The following SLC9B1 variants were observed in gnomAD, a reference collection of about 807,000 sequenced individuals.
SLC9B1 encodes solute carrier family 9 member B1.
In SLC9B1, 32 loss-of-function variants were observed where a neutral mutation model predicts 51.7. The ratio of observed to expected loss-of-function variants is 0.62; its 90% CI spans 0.47 to 0.83. The LOEUF (loss-of-function observed/expected upper bound fraction) is 0.83, where lower values mean the gene tolerates loss of function less well. Among genes scored for constraint, SLC9B1 ranks in the 40% least tolerant of loss-of-function variants. The pLI, the probability that SLC9B1 is intolerant of heterozygous loss-of-function variation, is 0.00. For synonymous variants in SLC9B1, 145 were observed against 212.7 expected, an observed-to-expected ratio of 0.68 and a Z score of 2.77; for missense variants, 406 against 613.2, an observed-to-expected ratio of 0.66 and a Z score of 3.57.
intron 1 of SLC9B1, among the ~76,000 whole-genome samples, chr4:103,003,257 G>A (rs1330410437): frequency 2.6e-5 from 4 of 151,986 alleles, no homozygotes; most frequent in East Asian, 3.9e-4. Context: ...CTCTATTATC[G>A]ATAATCATGA....
At chr4:103,001,466 C>G (rs1019697138) in intron 1 of SLC9B1, among the ~76,000 whole-genome samples, 10 of 152,184 alleles carry the variant, frequency 6.6e-5, no homozygotes. Flanking sequence ...TGCCAGATAC[C>G]CTAAATCATC....
intron 1 of SLC9B1, chr4:103,016,919 C>T (rs1250013323): frequency 6.6e-6 from 1 of 152,184 alleles, no homozygotes; most frequent in African/African-American, 2.4e-5. Flanking sequence ...CTGGTGACTC[C>T]CAACTTTGCA....
intron 3 of SLC9B1, among the ~76,000 whole-genome samples, chr4:102,974,160 T>A (rs7659468): frequency 1.4e-5 from 2 of 146,860 alleles, no homozygotes; most frequent in African/African-American, 2.5e-5. Context: ...TTGCTTGAGC[T>A]GGGGAGGCAG....
intron 1 of SLC9B1, among the ~76,000 whole-genome samples, chr4:102,999,242 A>C (rs1201804542): frequency 1.4e-4 from 21 of 152,170 alleles, no homozygotes; most frequent in Admixed American, 1.4e-3. Context: ...ATTTTCTGTA[A>C]GTTGCCTTGT....
chr4:102,885,766 T>C (rs959835185), intron 11 of SLC9B1, among the ~76,000 whole-genome samples: 7 of 152,216 alleles, frequency 4.6e-5, no homozygotes, highest in African/African-American at 1.7e-4. Context: ...TCAAATATAC[T>C]TGTCACAGTA....
intron 6 of SLC9B1, among the ~76,000 whole-genome samples, chr4:102,936,605 A>G (rs1578361578): frequency 6.6e-6 from 1 of 152,346 alleles, no homozygotes; most frequent in East Asian, 1.9e-4. Flanking sequence ...AGAATTTCAT[A>G]ATACAATAAC....
In SLC9B1 at chr4:102,948,792, T is replaced by C. The variant is rs1173008098; in HGVS notation, c.382+465A>G. 3.3e-5 allele frequency among the ~76,000 whole-genome samples: 5 copies of C among 152,068 alleles called. No homozygotes were observed. The East Asian group carries it at 5.8e-4, about 18-fold the overall frequency. On this transcript the variant is annotated intron_variant, in intron 4 of 11. Transcript: ENST00000296422. ...GTACATATGGACCTAAAGATGGAAA[T>C]AATAGACACTGGGGAGTCCAAAAGG...
chr4:102,943,531 A>ACACACACACACG (rs1737119834), intron 6 of SLC9B1, among the ~76,000 whole-genome samples: 1 of 152,016 alleles, frequency 6.6e-6, no homozygotes, highest in African/African-American at 2.4e-5. Flanking sequence ...ACACACACAC[A>ACACACACACACG]CACACACCAT....
intron 3 of SLC9B1, among the ~76,000 whole-genome samples, chr4:102,976,051 G>T (rs1011320872): frequency 1.3e-5 from 2 of 152,170 alleles, no homozygotes; most frequent in Non-Finnish European, 2.9e-5. Context: ...GGAAGAAGCA[G>T]TGAGGGAAGA....
At chr4:102,965,692 T>G (rs1358713142) in intron 3 of SLC9B1, among the ~76,000 whole-genome samples, 1 of 152,140 alleles carries the variant, frequency 6.6e-6, no homozygotes, top group East Asian at 1.9e-4. Flanking sequence ...CCCAAAGTCT[T>G]AATGTATTCC....
chr4:102,938,981 A>G (rs1736853607), intron 6 of SLC9B1, among the ~76,000 whole-genome samples: 1 of 152,146 alleles, frequency 6.6e-6, no homozygotes, highest in Non-Finnish European at 1.5e-5. Context: ...GAAAAACGAG[A>G]GGAAACCATC....
intron 7 of SLC9B1, among the ~76,000 whole-genome samples, chr4:102,924,657 A>G (rs1478457567): frequency 6.6e-6 from 1 of 152,240 alleles, no homozygotes; most frequent in African/African-American, 2.4e-5. Flanking sequence ...CAATCTACCC[A>G]TCTGACAAAG....
chr4:102,988,956 A>G (rs1739805884), intron 3 of SLC9B1, among the ~76,000 whole-genome samples: 1 of 152,080 alleles, frequency 6.6e-6, no homozygotes, highest in African/African-American at 2.4e-5. Flanking sequence ...GAAATGGCCT[A>G]CTAAATAGAC....
chr4:102,899,556 G>C (rs1035703886), downstream of SLC9B1, among the ~76,000 whole-genome samples: 1 of 151,894 alleles, frequency 6.6e-6, no homozygotes, highest in African/African-American at 2.4e-5. Flanking sequence ...TGGGATTACA[G>C]GTGTGCGCCA....
intron 11 of SLC9B1, chr4:102,885,443 T>C (rs765050847): frequency 1.9e-6 from 3 of 1,606,908 alleles, no homozygotes; most frequent in Non-Finnish European, 8.5e-7. Flanking sequence ...AAGATGTCTG[T>C]TTACGTGTAC....
At chr4:103,009,529 A>T (rs1323182384) in intron 1 of SLC9B1, among the ~76,000 whole-genome samples, 1 of 152,228 alleles carries the variant, frequency 6.6e-6, no homozygotes, top group East Asian at 1.9e-4. Context: ...CATAATGTAT[A>T]TGGAATTCAG....
intron 1 of SLC9B1, among the ~76,000 whole-genome samples, chr4:103,011,006 T>A (rs1189228825): frequency 1.3e-5 from 2 of 152,150 alleles, no homozygotes; most frequent in African/African-American, 4.8e-5. Context: ...AACTCAAAAG[T>A]CCAGAGTCCA....
chr4:102,989,926 T>G lies in SLC9B1; in HGVS notation c.85A>C (p.Asn29His). ...TTAGTTTCTTCCTGTGCAGTATTAT[T>G]AGGATCAATGAGACTCTGTAGTAAA... is the stretch of plus-strand genomic sequence containing the variant. ...STTPQSLIDP[N>H]NTAQEETKTV... Residue 29 changes from asparagine (N) to histidine (H), a missense_variant, in exon 3 of 12, where the codon AAT becomes CAT. This residue lies in a region of SLC9B1 where 108 missense variants were observed against 94.5 expected (regional missense o/e 1.14). Transcript: ENST00000296422. 1 of 1,583,390 alleles carries G rather than the reference T, an allele frequency of 6.3e-7. No individual in the cohort carries two copies. Among genetic ancestry groups the G allele is most frequent in the Non-Finnish European group, 8.6e-7 (1 of 1,159,240 alleles).
chr4:102,895,076 T>C (rs1734471519), intron 11 of SLC9B1, among the ~76,000 whole-genome samples: 1 of 151,954 alleles, frequency 6.6e-6, no homozygotes, highest in Middle Eastern at 3.2e-3. Context: ...AGAAAATTGT[T>C]CCAAAAAAAA....
Sources: gnomAD v4.1 joint callset for allele counts (sites outside exome capture counted in the v4.1 genomes callset) on GRCh38, gnomAD v4.1.1 for gene constraint, gnomAD v4.1.1 regional missense constraint, MANE v1.5 for transcripts, NCBI Gene and HGNC (gene_info 2026-07-23, HGNC 2026-07-21) for gene names.